GRM5: variants seen among roughly 807,000 people sequenced by gnomAD.
GRM5 encodes metabotropic glutamate receptor 5.
In GRM5, 19 loss-of-function variants were observed where a neutral mutation model predicts 83.1. The observed-to-expected ratio is 0.23, with a 90% CI of 0.16 to 0.34. GRM5 has a LOEUF of 0.34. Among genes scored for constraint, GRM5 ranks in the 10% least tolerant of loss-of-function variants. The pLI is 1.00. For missense variants in GRM5, 1,160 were observed against 1,588.3 expected (o/e 0.73, Z 4.58); for synonymous variants, 675 against 633.6 (o/e 1.07, Z -0.98).
chr11:88,664,271 G>T, intron 3 of GRM5, among the ~76,000 whole-genome samples: 1 of 150,844 alleles, frequency 6.6e-6, no homozygotes, highest in African/African-American at 2.4e-5. Flanking sequence ...ATATACAGTT[G>T]GCCCTCCATA....
At chr11:88,798,887 G>T (rs1031594742) in intron 3 of GRM5, among the ~76,000 whole-genome samples, 2 of 150,044 alleles carry the variant, frequency 1.3e-5, no homozygotes, top group African/African-American at 2.5e-5. Flanking sequence ...ACAATCCAGG[G>T]AAGACTCAAA....
intron 2 of GRM5, among the ~76,000 whole-genome samples, chr11:88,922,956 C>T (rs1349342546): frequency 6.6e-6 from 1 of 152,060 alleles, no homozygotes; most frequent in Non-Finnish European, 1.5e-5. Context: ...ATACAAATGG[C>T]AAATGAGTAA....
intron 1 of GRM5, among the ~76,000 whole-genome samples, chr11:89,048,431 C>T (rs942184172): frequency 6.6e-6 from 1 of 152,138 alleles, no homozygotes; most frequent in Admixed American, 6.5e-5. Flanking sequence ...GTATGCACCC[C>T]AGAATATTAA....
rs867242755 is a variant in GRM5 at position 88,512,101 on chromosome 11, A to T, written c.2727-2597T>A. ...GAACATAACTTTGGATGTTAGCAGT[A>T]ACAGTCTTTGGAATCACCTGTAGCC... On this transcript the variant is annotated intron_variant, in intron 9 of 9. Transcript: ENST00000305447. 3.3e-5 allele frequency: 5 copies of T among 153,060 alleles called. No individual in the cohort carries two copies. In the Middle Eastern group the frequency reaches 3.0e-3, roughly 92 times the overall value. 9.5% of individuals were successfully genotyped at this position (153,060 alleles called of 1,614,324 possible). A position where few individuals can be genotyped will look rare whatever the true frequency, so the allele number is the denominator to read the frequency against.
At chr11:88,718,880 TG>T (rs555098268) in intron 3 of GRM5, among the ~76,000 whole-genome samples, 73 of 152,080 alleles carry the variant, frequency 4.8e-4, no homozygotes, top group Middle Eastern at 3.4e-3. Flanking sequence ...TCACAGATTC[TG>T]TAAAAGACTT....
intron 3 of GRM5, among the ~76,000 whole-genome samples, chr11:88,672,440 T>A (rs935662152): frequency 2.6e-5 from 4 of 151,926 alleles, no homozygotes; most frequent in Non-Finnish European, 4.4e-5. Flanking sequence ...ATAATTTAAA[T>A]ACAATTGAAT....
intron 8 of GRM5, among the ~76,000 whole-genome samples, chr11:88,538,722 C>T (rs1338300210): frequency 1.3e-5 from 2 of 152,188 alleles, no homozygotes; most frequent in African/African-American, 4.8e-5. Flanking sequence ...AGACACAATT[C>T]TAAGTCCCTG....
intron 3 of GRM5, among the ~76,000 whole-genome samples, chr11:88,680,199 A>C (rs982629064): frequency 6.6e-6 from 1 of 152,084 alleles, no homozygotes; most frequent in Non-Finnish European, 1.5e-5. Context: ...CTCGACATTT[A>C]CATTAGGTAT....
intron 2 of GRM5, among the ~76,000 whole-genome samples, chr11:88,854,631 G>A (rs1418754351): frequency 6.6e-6 from 1 of 151,848 alleles, no homozygotes; most frequent in Non-Finnish European, 1.5e-5. Flanking sequence ...GACCCCAAAA[G>A]GGAAGAGGTC....
chr11:88,794,912 T>C (rs1943247391), intron 3 of GRM5, among the ~76,000 whole-genome samples: 1 of 152,246 alleles, frequency 6.6e-6, no homozygotes, highest in African/African-American at 2.4e-5. Flanking sequence ...AAGATAGCTA[T>C]GGCTGTAAAG....
chr11:88,937,964 C>A (rs1284116865), intron 2 of GRM5, among the ~76,000 whole-genome samples: 1 of 151,528 alleles, frequency 6.6e-6, no homozygotes, highest in Non-Finnish European at 1.5e-5. Context: ...AATGTGATTA[C>A]AAATATTCAT....
At chr11:88,550,555 C>T (rs1942484360) in intron 8 of GRM5, among the ~76,000 whole-genome samples, 1 of 152,130 alleles carries the variant, frequency 6.6e-6, no homozygotes, top group South Asian at 2.1e-4. Flanking sequence ...CATTTGCTTT[C>T]ATGACCAAAC....
intron 3 of GRM5, among the ~76,000 whole-genome samples, chr11:88,758,891 C>A (rs990502728): frequency 1.3e-5 from 2 of 152,158 alleles, no homozygotes; most frequent in Admixed American, 1.3e-4. Context: ...AACAGTAGAC[C>A]TCTCAGCAGA....
At chr11:88,598,070 G>A (rs1391292738) in intron 5 of GRM5, among the ~76,000 whole-genome samples, 2 of 152,018 alleles carry the variant, frequency 1.3e-5, no homozygotes, top group Non-Finnish European at 2.9e-5. Flanking sequence ...AAGAATCTCT[G>A]AAATAATTTT....
At chr11:88,842,694 C>CTT (rs558124157) in intron 3 of GRM5, among the ~76,000 whole-genome samples, 1 of 151,348 alleles carries the variant, frequency 6.6e-6, no homozygotes, top group African/African-American at 2.4e-5. Flanking sequence ...TAGAGTTCAT[C>CTT]TTTTTTTTTC....
At chr11:88,845,624 G>A (rs1372615922) in intron 3 of GRM5, among the ~76,000 whole-genome samples, 1 of 151,428 alleles carries the variant, frequency 6.6e-6, no homozygotes, top group Admixed American at 6.6e-5. Context: ...TAGTAGAGAC[G>A]GGGTTTCACC....
intron 9 of GRM5, among the ~76,000 whole-genome samples, chr11:88,510,460 G>A (rs921017762): frequency 4.6e-5 from 7 of 152,200 alleles, no homozygotes; most frequent in Non-Finnish European, 1.0e-4. Context: ...AGCTGCAGAC[G>A]TTCTTTCAGA....
rs1941268628 is a variant in GRM5 at position 88,508,964 on chromosome 11, G to A, written c.3267C>T (p.Val1089=). Residue 1089 remains valine, a synonymous_variant, in exon 10 of 10, where the codon GTC becomes GTT. Transcript: ENST00000305447. This position sits in a 1 kb window ranked among gnomAD's most constrained non-coding sequence, Gnocchi z 4.2. ...GGTAGGACGAGCAGAGCGGGGCGCC[G>A]ACGCCGGGGCTGGGGGCCGCGGTGG... ...MLSTAAPSPG[V]GAPLCSSYLI... 1 of 1,589,964 alleles carries A rather than the reference G, an allele frequency of 6.3e-7. No individual in the cohort carries two copies. The highest frequency in any genetic ancestry group is 1.1e-5 in the South Asian group (1 of 87,186).
chr11:88,621,154 A>G (rs952626481), intron 4 of GRM5, among the ~76,000 whole-genome samples: 6 of 152,200 alleles, frequency 3.9e-5, no homozygotes, highest in Admixed American at 2.0e-4. Context: ...ATATTATTTA[A>G]AAGATTGTGT....
Sources: gnomAD v4.1 joint callset for allele counts (sites outside exome capture counted in the v4.1 genomes callset) on GRCh38, gnomAD v4.1.1 for gene constraint, Gnocchi (gnomAD v3.1) non-coding constraint, MANE v1.5 for transcripts, NCBI Gene and HGNC (gene_info 2026-07-23, HGNC 2026-07-21) for gene names.